The following CCDC91 variants were observed in gnomAD, a reference collection of about 807,000 sequenced individuals.
CCDC91 encodes the protein coiled-coil domain-containing protein 91.
Under a neutral mutation model 63.2 loss-of-function variants are expected in CCDC91, and 48 were observed. That is an observed-to-expected ratio of 0.76 (90% CI 0.60 to 0.97). The LOEUF is 0.97. Ranked by LOEUF, CCDC91 falls within the 50% of genes least tolerant of loss-of-function variation. The probability of loss-of-function intolerance (pLI) is 0.00; values close to 1 mark genes in which losing one functional copy is unlikely to be tolerated. For synonymous variants in CCDC91, 167 were observed against 165.8 expected, an observed-to-expected ratio of 1.01 and a Z score of -0.06; for missense variants, 500 against 494.6, an observed-to-expected ratio of 1.01 and a Z score of -0.10.
chr12:28,355,947 G>C (rs1943495538), intron 6 of CCDC91, among the ~76,000 whole-genome samples: 1 of 152,032 alleles, frequency 6.6e-6, no homozygotes, highest in Non-Finnish European at 1.5e-5. Flanking sequence ...TTTTAGTATT[G>C]GAGATAGAAT....
intron 1 of CCDC91, among the ~76,000 whole-genome samples, chr12:28,216,929 C>G (rs1168054569): frequency 6.6e-6 from 1 of 152,054 alleles, no homozygotes; most frequent in African/African-American, 2.4e-5. Flanking sequence ...TGCACTTACA[C>G]TTAAAGACCT....
intron 1 of CCDC91, among the ~76,000 whole-genome samples, chr12:28,209,033 C>T (rs1943051497): frequency 6.6e-6 from 1 of 151,924 alleles, no homozygotes; most frequent in Admixed American, 6.6e-5. Context: ...GTCTTGATCT[C>T]CTGACCTCAT....
At chr12:28,390,124 G>A (rs1191862983) in intron 7 of CCDC91, among the ~76,000 whole-genome samples, 1 of 152,060 alleles carries the variant, frequency 6.6e-6, no homozygotes, top group Non-Finnish European at 1.5e-5. Flanking sequence ...CATCATCAGA[G>A]AATCTTACTT....
At chr12:28,304,343 C>T (rs1225214661) in intron 3 of CCDC91, among the ~76,000 whole-genome samples, 1 of 129,486 alleles carries the variant, frequency 7.7e-6, no homozygotes, top group Non-Finnish European at 1.5e-5. Context: ...CGCCATTGTA[C>T]TCCAGCCTGG....
chr12:28,410,946 G>GC (rs1947281354), intron 8 of CCDC91, among the ~76,000 whole-genome samples: 1 of 150,784 alleles, frequency 6.6e-6, no homozygotes. Context: ...ATGTTTTTTT[G>GC]CTTCCTTTTA....
intron 8 of CCDC91, among the ~76,000 whole-genome samples, chr12:28,407,966 T>TTA (rs1565925893): frequency 2.0e-4 from 29 of 145,528 alleles, no homozygotes; most frequent in Middle Eastern, 4.1e-3. Flanking sequence ...ATATATATAT[T>TTA]TTTTTTATTT....
chr12:28,298,753 C>A (rs867817473), intron 3 of CCDC91, among the ~76,000 whole-genome samples: 58 of 145,900 alleles, frequency 4.0e-4, no homozygotes, highest in Admixed American at 1.5e-3. Flanking sequence ...ACAACAACAA[C>A]AAAAAATTGT....
At chr12:28,316,121 A>G (rs568946100) in intron 6 of CCDC91, among the ~76,000 whole-genome samples, 12 of 151,972 alleles carry the variant, frequency 7.9e-5, no homozygotes, top group African/African-American at 2.7e-4. Flanking sequence ...TAGGTTTACA[A>G]TATGTCTTTC....
chr12:28,315,507 A>G (rs1939768502), intron 6 of CCDC91, among the ~76,000 whole-genome samples: 1 of 151,924 alleles, frequency 6.6e-6, no homozygotes, highest in African/African-American at 2.4e-5. Context: ...CAAGCAATGA[A>G]CTTGAAAATT....
Position 28,510,909 on chromosome 12 carries a change from A to G in CCDC91, c.1215+26744A>G, listed in dbSNP as rs532434233. On this transcript the variant is annotated intron_variant, in intron 12 of 12. Transcript: ENST00000536442. ...ACAGAATTCTTGATTTCCACCACCC[A>G]TCACCTGCCACATTTGCTCCTTCAC... is the stretch of plus-strand genomic sequence containing the variant. Among the ~76,000 whole-genome samples, 245 of 152,008 alleles carry G rather than the reference A, an allele frequency of 1.6e-3. 2 individuals are homozygous for G. The highest frequency in any genetic ancestry group is 5.2e-3 in the African/African-American group (215 of 41,534).
chr12:28,242,071 TTATAA>T (rs1169447267), intron 1 of CCDC91, among the ~76,000 whole-genome samples: 4 of 151,928 alleles, frequency 2.6e-5, no homozygotes, highest in South Asian at 2.1e-4. Context: ...TATAAAGTTG[TTATAA>T]TATACTGTCA....
At chr12:28,279,872 T>C (rs1408885334) in intron 3 of CCDC91, among the ~76,000 whole-genome samples, 1 of 143,206 alleles carries the variant, frequency 7.0e-6, no homozygotes, top group Non-Finnish European at 1.6e-5. Context: ...CTTTGTAATA[T>C]CTCTGTGTAT....
rs117590316 is a variant in CCDC91 at position 28,334,556 on chromosome 12, G to T, written c.576+26807G>T. Among the ~76,000 whole-genome samples, 61 of 152,278 alleles carry T rather than the reference G, an allele frequency of 4.0e-4. No individual in the cohort carries two copies. In the East Asian group the frequency reaches 0.01, roughly 26 times the overall value. On this transcript the variant is annotated intron_variant, in intron 6 of 12. Transcript: ENST00000536442. ...ACTAGCCTTGTTGGAATTGCTCAAA[G>T]AAGGGCAGGTGGCTTGCTTCTGTAT...
At chr12:28,330,120 G>A (rs1464192759) in intron 6 of CCDC91, among the ~76,000 whole-genome samples, 1 of 152,010 alleles carries the variant, frequency 6.6e-6, no homozygotes, top group Non-Finnish European at 1.5e-5. Context: ...TAATCCATTG[G>A]GTCTATACCC....
intron 8 of CCDC91, among the ~76,000 whole-genome samples, chr12:28,391,780 C>G (rs569120691): frequency 5.3e-5 from 8 of 152,122 alleles, no homozygotes; most frequent in East Asian, 1.9e-4. Flanking sequence ...TTTATGTTAC[C>G]TTTCATTCTG....
At chr12:28,469,213 T>G (rs1950689500) in intron 11 of CCDC91, among the ~76,000 whole-genome samples, 1 of 152,038 alleles carries the variant, frequency 6.6e-6, no homozygotes, top group Non-Finnish European at 1.5e-5. Context: ...AAAAAACTAT[T>G]AGAACCGATT....
intron 11 of CCDC91, among the ~76,000 whole-genome samples, chr12:28,474,975 A>G (rs1030786032): frequency 2.0e-5 from 3 of 152,092 alleles, no homozygotes; most frequent in Admixed American, 2.0e-4. Context: ...ACTGGTAAGG[A>G]TGGAATTCAT....
chr12:28,225,054 C>T (rs1223205850), intron 1 of CCDC91, among the ~76,000 whole-genome samples: 1 of 152,180 alleles, frequency 6.6e-6, no homozygotes, highest in East Asian at 1.9e-4. Flanking sequence ...ACTAGAGCCC[C>T]ATGCCCTGAT....
intron 1 of CCDC91, among the ~76,000 whole-genome samples, chr12:28,217,126 C>G (rs1218202679): frequency 2.0e-5 from 3 of 152,072 alleles, no homozygotes; most frequent in Non-Finnish European, 4.4e-5. Context: ...GAACTAATCT[C>G]TTAACATGCT....
Sources: gnomAD v4.1 joint callset for allele counts (sites outside exome capture counted in the v4.1 genomes callset) on GRCh38, gnomAD v4.1.1 for gene constraint, MANE v1.5 for transcripts, NCBI Gene and HGNC (gene_info 2026-07-23, HGNC 2026-07-21) for gene names.